Variants in NCK2 observed in about 807,000 individuals in gnomAD.
NCK2 encodes cytoplasmic protein NCK2.
Under a neutral mutation model 33.9 loss-of-function variants are expected in NCK2, and 16 were observed. That is an observed-to-expected ratio of 0.47 (90% CI 0.32 to 0.72). The LOEUF (loss-of-function observed/expected upper bound fraction) is 0.72. NCK2 is among the 30% of genes least tolerant of loss of function. The pLI, the probability that NCK2 is intolerant of heterozygous loss-of-function variation, is 0.03. For missense variants in NCK2, 418 were observed against 537.3 expected (o/e 0.78, Z 2.19); for synonymous variants, 273 against 239.9 (o/e 1.14, Z -1.27).
chr2:105,780,325 T>TAC (rs57857814), intron 1 of NCK2, among the ~76,000 whole-genome samples: 2,220 of 147,436 alleles, frequency 0.015, 33 homozygotes, highest in East Asian at 0.078. Context: ...GAGAGATATA[T>TAC]ACACACACAC....
chr2:105,767,162 A>G (rs1028884622), intron 1 of NCK2, among the ~76,000 whole-genome samples: 16 of 152,224 alleles, frequency 1.1e-4, no homozygotes, highest in Admixed American at 3.3e-4. Flanking sequence ...GTCTGTGTTT[A>G]TCTCATAGAT....
chr2:105,822,220 G>C (rs1675768398), intron 2 of NCK2, among the ~76,000 whole-genome samples: 1 of 152,100 alleles, frequency 6.6e-6, no homozygotes, highest in Non-Finnish European at 1.5e-5. Context: ...GACTTTGGGA[G>C]GTTTGAGAAG....
intron 3 of NCK2, among the ~76,000 whole-genome samples, chr2:105,855,957 C>T (rs1004493887): frequency 2.2e-4 from 34 of 152,058 alleles, no homozygotes; most frequent in Admixed American, 1.8e-3. Context: ...GCCTCAGCCT[C>T]CCGAGTAGCT....
At chr2:105,866,758 C>A (rs1023456851) in intron 3 of NCK2, among the ~76,000 whole-genome samples, 12 of 152,120 alleles carry the variant, frequency 7.9e-5, no homozygotes, top group Admixed American at 5.2e-4. Context: ...GGGTTGGGGA[C>A]CCCTGGTCTA....
At chr2:105,786,710 A>C (rs577938676) in intron 1 of NCK2, among the ~76,000 whole-genome samples, 1 of 152,224 alleles carries the variant, frequency 6.6e-6, no homozygotes, top group Non-Finnish European at 1.5e-5. Flanking sequence ...TCCTGTCTCC[A>C]TCGCTGTCTC....
chr2:105,755,319 T>G (rs774887451), intron 1 of NCK2, among the ~76,000 whole-genome samples: 3 of 152,202 alleles, frequency 2.0e-5, no homozygotes, highest in Non-Finnish European at 4.4e-5. Flanking sequence ...CTGTTGTGAT[T>G]TTCATTTTGA....
intron 2 of NCK2, among the ~76,000 whole-genome samples, chr2:105,839,178 T>A (rs1308508188): frequency 6.6e-6 from 1 of 152,184 alleles, no homozygotes; most frequent in Non-Finnish European, 1.5e-5. Context: ...AAGGTGAGAA[T>A]CAGAGTTTGG....
chr2:105,746,561 TAAGCAGGTGAATTAGTAACAGGATTC>T lies in NCK2; in HGVS notation c.-201+1428_-201+1453del, dbSNP rs555241924. ...CAATTCACTTTGCAAGCTTCATAGATAAGCAGGTGAATTAGTAACAGGATTCAAGCCTTGCGAGTTTTACGTAAAGA... is the reference window on the plus strand; with the variant it reads ...CAATTCACTTTGCAAGCTTCATAGATAAGCCTTGCGAGTTTTACGTAAAGA... On this transcript the variant is annotated intron_variant, in intron 1 of 4. Transcript: ENST00000233154. Among the ~76,000 whole-genome samples the T allele has an allele frequency of 2.2e-4, 34 of 152,344 alleles. No homozygotes were observed. The South Asian group carries it at 6.6e-3, about 30-fold the overall frequency.
chr2:105,752,849 A>G (rs184631929), intron 1 of NCK2, among the ~76,000 whole-genome samples: 2 of 152,286 alleles, frequency 1.3e-5, no homozygotes, highest in East Asian at 3.9e-4. Flanking sequence ...ATAACATGTT[A>G]AGTACAAGCT....
chr2:105,849,303 G>A (rs375512483), intron 2 of NCK2, among the ~76,000 whole-genome samples: 1 of 152,140 alleles, frequency 6.6e-6, no homozygotes, highest in African/African-American at 2.4e-5. Flanking sequence ...CAGATGGATC[G>A]CTTGAGCCCA....
At chr2:105,783,707 A>T (rs1244192264) in intron 1 of NCK2, among the ~76,000 whole-genome samples, 2 of 151,862 alleles carry the variant, frequency 1.3e-5, no homozygotes, top group African/African-American at 4.8e-5. Flanking sequence ...TATTCAGATT[A>T]TGTTTTTTTT....
chr2:105,891,271 C>G (rs910875290), intron 4 of NCK2, among the ~76,000 whole-genome samples: 5 of 147,894 alleles, frequency 3.4e-5, no homozygotes, highest in Admixed American at 6.7e-5. Context: ...TGTTTGTTTT[C>G]TTTTTTTTTT....
At chr2:105,833,483 T>C (rs1676275445) in intron 2 of NCK2, among the ~76,000 whole-genome samples, 1 of 152,218 alleles carries the variant, frequency 6.6e-6, no homozygotes, top group African/African-American at 2.4e-5. Context: ...TATTGGTGTA[T>C]CATTGTTCAT....
intron 4 of NCK2, among the ~76,000 whole-genome samples, chr2:105,884,190 A>G (rs1678623704): frequency 6.6e-6 from 1 of 152,150 alleles, no homozygotes; most frequent in Non-Finnish European, 1.5e-5. Flanking sequence ...TGTGACTACC[A>G]GGGACCTGTC....
chr2:105,869,184 G>C (rs1204427326), intron 3 of NCK2, among the ~76,000 whole-genome samples: 1 of 152,152 alleles, frequency 6.6e-6, no homozygotes, highest in Non-Finnish European at 1.5e-5. Context: ...AGTGAGCTGA[G>C]ACTCACCCCT....
chr2:105,858,878 A>G (rs1677396879), intron 3 of NCK2, among the ~76,000 whole-genome samples: 1 of 152,232 alleles, frequency 6.6e-6, no homozygotes, highest in South Asian at 2.1e-4. Flanking sequence ...TGGGCAAAAC[A>G]TTTGTATACT....
In NCK2 at chr2:105,771,047, C is replaced by T. The variant is rs569728055; in HGVS notation, c.-201+25909C>T. Among the ~76,000 whole-genome samples, 212 of 152,046 alleles carry T rather than the reference C, an allele frequency of 1.4e-3. 2 individuals carry two copies. In the South Asian group the frequency reaches 0.015, roughly 11 times the overall value. On this transcript the variant is annotated intron_variant, in intron 1 of 4. Coordinates refer to ENST00000233154, the MANE Select transcript of NCK2 (RefSeq NM_003581.5). ...ACGCCATTCTCCTGCCTCAGCCTCC[C>T]GAGTAGCTGGGACTACAGGCGCCCG...
intron 4 of NCK2, among the ~76,000 whole-genome samples, chr2:105,883,080 G>A (rs557675873): frequency 1.3e-5 from 2 of 152,252 alleles, no homozygotes; most frequent in South Asian, 2.1e-4. Flanking sequence ...ACGGAGCATC[G>A]TGGTGGTGGA....
chr2:105,749,416 C>T (rs181637142), intron 1 of NCK2, among the ~76,000 whole-genome samples: 12 of 152,288 alleles, frequency 7.9e-5, no homozygotes, highest in South Asian at 2.1e-4. Context: ...AATGCATGCA[C>T]GCTCATTCAT....
Sources: allele counts gnomAD v4.1 joint callset (sites outside exome capture counted in the v4.1 genomes callset), GRCh38; gene constraint gnomAD v4.1.1; transcripts MANE v1.5; gene names NCBI Gene and HGNC (gene_info 2026-07-23, HGNC 2026-07-21).